Variants in ZNF284 observed in about 807,000 individuals in gnomAD.
ZNF284 encodes zinc finger protein 284.
ZNF284 carries 12 observed loss-of-function variants against 12.9 expected under a neutral mutation model. The ratio of observed to expected loss-of-function variants is 0.93; its 90% CI spans 0.60 to 1.51. The LOEUF is 1.51. Ranked by LOEUF, ZNF284 falls within the 40% of genes most tolerant of loss-of-function variation. The probability of loss-of-function intolerance (pLI) is 0.00; values close to 1 mark genes in which losing one functional copy is unlikely to be tolerated. For synonymous variants in ZNF284, 225 were observed against 236.5 expected, an observed-to-expected ratio of 0.95 and a Z score of 0.45; for missense variants, 667 against 707.3, an observed-to-expected ratio of 0.94 and a Z score of 0.65.
At chr19:44,081,516 T>C (rs370304297) in intron 3 of ZNF284, among the ~76,000 whole-genome samples, 110 of 151,606 alleles carry the variant, frequency 7.3e-4, no homozygotes, top group East Asian at 2.1e-3. Flanking sequence ...TGGAGACCAT[T>C]CTGGCTAACA....
intron 1 of ZNF284, among the ~76,000 whole-genome samples, chr19:44,075,188 A>G (rs538668395): frequency 6.6e-6 from 1 of 152,172 alleles, no homozygotes; most frequent in South Asian, 2.1e-4. Context: ...GGTCCTTATA[A>G]CTATCCCTTG....
At position 44,086,707 on chromosome 19, in the gene ZNF284, T is replaced by G; in HGVS notation, c.1229T>G (p.Met410Arg). ...KCDGCGKRFY[M>R]NSQGHSHQRA... The stretch of plus-strand genomic sequence containing the variant: ...GACGGATGTGGGAAGAGATTTTATA[T>G]GAATTCACAGGGCCATTCACATCAG... The change falls in exon 5 of 5, where the codon ATG becomes AGG. Residue 410 changes from methionine to arginine, a missense_variant. By Grantham distance (91) the Met-to-Arg change is moderately conservative. Transcript: ENST00000421176. 6.2e-7 allele frequency: 1 copy of G among 1,614,042 alleles called. No individual in the cohort carries two copies. Among genetic ancestry groups the G allele is most frequent in the Non-Finnish European group, 8.5e-7 (1 of 1,179,972 alleles).
In ZNF284 at chr19:44,086,282, C is replaced by A; in HGVS notation, c.804C>A (p.Phe268Leu). 6.2e-7 allele frequency: 1 copy of A among 1,614,180 alleles called. No homozygotes were observed. Among genetic ancestry groups the A allele is most frequent in the Non-Finnish European group, 8.5e-7 (1 of 1,180,026 alleles). The change falls in exon 5 of 5, where the codon TTC becomes TTA. Residue 268 changes from phenylalanine (F) to leucine (L), a missense_variant. Phe to Leu is a conservative substitution (Grantham distance 22). Transcript: ENST00000421176. ...TTTGTGAGGAATGTGGGAAGGCCTT[C>A]ATTCACAATTCCCAGCTTCGGGAAC... ...PHICEECGKA[F>L]IHNSQLREHQ... is the part of the protein sequence containing the mutation.
chr19:44,073,748 C>A (rs1254894610), intron 1 of ZNF284, among the ~76,000 whole-genome samples: 4 of 152,026 alleles, frequency 2.6e-5, no homozygotes, highest in African/African-American at 9.7e-5. Context: ...TGAGGTTTCA[C>A]CGTGTTAGCC....
intron 2 of ZNF284, among the ~76,000 whole-genome samples, chr19:44,079,528 T>C (rs542417672): frequency 5.2e-4 from 79 of 152,128 alleles, no homozygotes; most frequent in African/African-American, 1.9e-3. Context: ...GCTAACATGA[T>C]GCAACCCTGT....
intron 4 of ZNF284, chr19:44,085,451 T>G (rs1242667044): frequency 6.0e-6 from 2 of 330,672 alleles, no homozygotes; most frequent in African/African-American, 2.1e-5. Context: ...GATTTTAGAC[T>G]AACTAGGAAA....
intron 2 of ZNF284, among the ~76,000 whole-genome samples, chr19:44,080,259 T>A (rs1967100504): frequency 6.6e-6 from 1 of 152,106 alleles, no homozygotes; most frequent in Admixed American, 6.6e-5. Flanking sequence ...ACTCCATGGC[T>A]GTCCCACACA....
chr19:44,081,356 G>T (rs1218181698), intron 3 of ZNF284, among the ~76,000 whole-genome samples: 1 of 152,138 alleles, frequency 6.6e-6, no homozygotes, highest in Non-Finnish European at 1.5e-5. Flanking sequence ...GGGAAGAAAG[G>T]CACCTTTTTC....
intron 2 of ZNF284, among the ~76,000 whole-genome samples, chr19:44,076,644 C>T (rs1030302402): frequency 1.8e-4 from 27 of 152,132 alleles, no homozygotes; most frequent in Non-Finnish European, 4.4e-5. Flanking sequence ...TCTCCCATTT[C>T]ACTACATCTT....
At chr19:44,076,484 A>G in intron 2 of ZNF284, 80 bp downstream of exon 2, 1 of 1,485,988 alleles carries the variant, frequency 6.7e-7, no homozygotes, top group East Asian at 2.4e-5. Flanking sequence ...CGGTCTTGGG[A>G]AGACTCAAGG....
intron 4 of ZNF284, chr19:44,085,407 A>G (rs1967214750): frequency 4.7e-6 from 1 of 212,344 alleles, no homozygotes; most frequent in Non-Finnish European, 9.5e-6. Flanking sequence ...TTCATCACAT[A>G]TATAATTTAG....
chr19:44,080,947 C>A, intron 2 of ZNF284, 68 bp from the exon 3 acceptor site: 1 of 1,555,136 alleles, frequency 6.4e-7, no homozygotes, highest in Non-Finnish European at 8.7e-7. Context: ...CCTTCACCTG[C>A]TCATTGCCAC....
intron 1 of ZNF284, among the ~76,000 whole-genome samples, chr19:44,074,280 G>A (rs1300228150): frequency 3.3e-5 from 5 of 152,046 alleles, no homozygotes; most frequent in Non-Finnish European, 5.9e-5. Flanking sequence ...TTGAACCCGG[G>A]AGGCGGAGGT....
chr19:44,087,267 T>C lies in ZNF284; in HGVS notation c.*7T>C, dbSNP rs1416321154. 4.0e-6 allele frequency: 6 copies of C among 1,504,852 alleles called. No homozygotes were observed. The Admixed American group carries it at 1.1e-4, about 27-fold the overall frequency. The allele number at this position is 1,504,852 out of a possible 1,614,324, so 93.2% of individuals were successfully genotyped here. On this transcript the variant is annotated 3_prime_UTR_variant, in exon 5 of 5. Coordinates refer to ENST00000421176, the MANE Select transcript of ZNF284 (RefSeq NM_001037813.4). ...ATTTTTAAATGATATATAATTATTG[T>C]CCATATTTATGGGTTACAGCATATT...
intron 4 of ZNF284, chr19:44,085,420 GT>G (rs1568523296): frequency 4.2e-6 from 1 of 235,804 alleles, no homozygotes; most frequent in Non-Finnish European, 8.3e-6. Context: ...TAATTTAGTA[GT>G]TACATAATAT....
In ZNF284 at chr19:44,086,266, A is replaced by G; in HGVS notation, c.788A>G (p.Glu263Gly). 2 of 1,614,214 alleles carry G rather than the reference A, an allele frequency of 1.2e-6. No individual in the cohort carries two copies. The highest frequency in any genetic ancestry group is 2.2e-5 in the East Asian group (1 of 44,882). The change falls in exon 5 of 5, where the codon GAA becomes GGA. Residue 263 changes from glutamate to glycine, a missense_variant. Physicochemically the swap from Glu to Gly is moderately conservative, Grantham distance 98. Coordinates refer to ENST00000421176, the MANE Select transcript of ZNF284 (RefSeq NM_001037813.4). ...HTGEKPHICE[E>G]CGKAFIHNSQ... ...GGAGAAAAACCTCATATTTGTGAGGAATGTGGGAAGGCCTTCATTCACAAT... is the reference window on the plus strand; with the variant it reads ...GGAGAAAAACCTCATATTTGTGAGGGATGTGGGAAGGCCTTCATTCACAAT...
In ZNF284 at chr19:44,081,091, A is replaced by G. The variant is rs1441067224; in HGVS notation, c.92A>G (p.Lys31Arg). ...GGGCTGCTGGACGTTTCCCAGAGGA[A>G]GCTGTATCGAGATGTCATGCTGGAG... Reference protein sequence around the residue: ...ELGLLDVSQRKLYRDVMLENF... With the variant: ...ELGLLDVSQRRLYRDVMLENF... Residue 31 changes from lysine to arginine, a missense_variant, in exon 3 of 5, where the codon AAG becomes AGG. By Grantham distance (26) the Lys-to-Arg change is conservative. Coordinates refer to ENST00000421176, the MANE Select transcript of ZNF284 (RefSeq NM_001037813.4). The G allele has an allele frequency of 2.5e-6, 4 of 1,613,050 alleles. No individual in the cohort carries two copies. The Admixed American group carries it at 6.7e-5, about 27-fold the overall frequency.
Position 44,077,535 on chromosome 19 carries a change from CTTTTTTTTTT to C in ZNF284, c.15+1146_15+1155del, listed in dbSNP as rs763788955. On this transcript the variant is annotated intron_variant, in intron 2 of 4. Coordinates refer to ENST00000421176, the MANE Select transcript of ZNF284 (RefSeq NM_001037813.4). ...ACCCTGGATGTAATCATTTTTCTGT[CTTTTTTTTTT>C]TTTTTTTTTTTTTTAGTTTTTTAGT... is the stretch of plus-strand genomic sequence containing the variant. Among the ~76,000 whole-genome samples the C allele has an allele frequency of 2.6e-3, 200 of 76,202 alleles. 3 individuals are homozygous for C. The highest frequency in any genetic ancestry group is 9.4e-3 in the Middle Eastern group (1 of 106). The allele number at this position is 76,202 out of a possible 152,430, so 50.0% of individuals were successfully genotyped here.
rs1967243033 is a variant in ZNF284, at chr19:44,086,242, G to A, written c.764G>A (p.Gly255Glu). 1 of 1,614,094 alleles carries A rather than the reference G, an allele frequency of 6.2e-7. No individual in the cohort carries two copies. The highest frequency in any genetic ancestry group is 8.5e-7 in the Non-Finnish European group (1 of 1,180,040). Residue 255 changes from glycine (G) to glutamate (E), a missense_variant, in exon 5 of 5, where the codon GGA (glycine) becomes GAA (glutamate). Transcript: ENST00000421176. ...GMYVHCKLHT[G>E]EKPHICEECG... ...TATGTTCATTGCAAATTACACACAG[G>A]AGAAAAACCTCATATTTGTGAGGAA...
Sources: allele counts gnomAD v4.1 joint callset (sites outside exome capture counted in the v4.1 genomes callset), GRCh38; gene constraint gnomAD v4.1.1; transcripts MANE v1.5; gene names NCBI Gene and HGNC (gene_info 2026-07-23, HGNC 2026-07-21).